Variants in SRBD1 observed in about 807,000 individuals in gnomAD.
The protein encoded by SRBD1 is S1 RNA-binding domain-containing protein 1.
Under a neutral mutation model 115.3 loss-of-function variants are expected in SRBD1, and 88 were observed. That is an observed-to-expected ratio of 0.76 (90% CI 0.64 to 0.91). The LOEUF (loss-of-function observed/expected upper bound fraction) is 0.91. SRBD1 is among the 40% of genes least tolerant of loss of function. SRBD1 has a pLI of 0.00. For synonymous variants in SRBD1, 509 were observed against 407.7 expected (o/e 1.25, Z -2.99); for missense variants, 1,385 against 1,177.4 (o/e 1.18, Z -2.58).
chr2:45,391,579 G>C (rs1330820265), intron 20 of SRBD1, among the ~76,000 whole-genome samples: 1 of 152,154 alleles, frequency 6.6e-6, no homozygotes, highest in African/African-American at 2.4e-5. Flanking sequence ...TTTGAAAATT[G>C]TGACTTACAT....
chr2:45,503,879 A>G (rs3770276), intron 14 of SRBD1, among the ~76,000 whole-genome samples: 124,056 of 152,024 alleles, frequency 0.82, 51,347 homozygotes, highest in African/African-American at 0.93. Flanking sequence ...TATATTCTGT[A>G]ATTCTATGGA....
intron 3 of SRBD1, among the ~76,000 whole-genome samples, chr2:45,601,398 T>A (rs1046546983): frequency 1.3e-5 from 2 of 152,250 alleles, no homozygotes; most frequent in Non-Finnish European, 2.9e-5. Context: ...GTTGTATTTA[T>A]CTCTCTTGTG....
chr2:45,441,038 C>G (rs1340367358), intron 16 of SRBD1, among the ~76,000 whole-genome samples: 1 of 152,152 alleles, frequency 6.6e-6, no homozygotes, highest in Non-Finnish European at 1.5e-5. Flanking sequence ...TTTCTCTTCC[C>G]AAATACACAT....
chr2:45,501,075 G>C (rs138170826), intron 14 of SRBD1, among the ~76,000 whole-genome samples: 33 of 152,204 alleles, frequency 2.2e-4, no homozygotes, highest in African/African-American at 7.5e-4. Flanking sequence ...AATTTGTTGA[G>C]AGTTTTCATC....
intron 16 of SRBD1, among the ~76,000 whole-genome samples, chr2:45,449,951 C>T (rs1011496946): frequency 2.6e-4 from 40 of 152,110 alleles, no homozygotes; most frequent in African/African-American, 9.4e-4. Flanking sequence ...ATGTCACAGC[C>T]CTCTCTCTTA....
chr2:45,530,777 T>C (rs1431589926), intron 14 of SRBD1, among the ~76,000 whole-genome samples: 1 of 151,954 alleles, frequency 6.6e-6, no homozygotes, highest in Non-Finnish European at 1.5e-5. Context: ...CTGAACCATA[T>C]ATGGTATATG....
chr2:45,488,887 G>A (rs1352345704), intron 14 of SRBD1, among the ~76,000 whole-genome samples: 2 of 152,026 alleles, frequency 1.3e-5, no homozygotes, highest in Non-Finnish European at 2.9e-5. Context: ...CAGACAGGAT[G>A]TCATCCGACT....
At chr2:45,452,408 T>C (rs150123216) in intron 16 of SRBD1, among the ~76,000 whole-genome samples, 178 of 152,080 alleles carry the variant, frequency 1.2e-3, no homozygotes, top group African/African-American at 4.1e-3. Flanking sequence ...CAAGTAAGCA[T>C]CTAATAATAT....
At chr2:45,423,066 A>C (rs1668053106) in intron 16 of SRBD1, among the ~76,000 whole-genome samples, 1 of 152,206 alleles carries the variant, frequency 6.6e-6, no homozygotes. Context: ...TACGACTTTA[A>C]AATAAGCTTG....
At chr2:45,488,417 G>C in intron 14 of SRBD1, 86 bp from the exon 15 acceptor site, 1 of 835,054 alleles carries the variant, frequency 1.2e-6, no homozygotes, top group South Asian at 1.9e-5. Flanking sequence ...GGCATTACCA[G>C]AAAAAAAAAA....
chr2:45,605,555 T>C, intron 1 of SRBD1, 114 bp from the exon 2 acceptor site: 1 of 976,884 alleles, frequency 1.0e-6, no homozygotes, highest in Non-Finnish European at 1.6e-6. Context: ...ACAAAAACAA[T>C]GATGTTTATT....
rs550037738 is a variant in SRBD1, at chr2:45,399,064, C to T, written c.2514-5935G>A. ...GAAAAATAACAAACCATTACCCTCC[C>T]AAAAGAGAACCAGAAAAAAAAAAAT... On this transcript the variant is annotated intron_variant, in intron 19 of 20. Coordinates refer to ENST00000263736, the MANE Select transcript of SRBD1 (RefSeq NM_018079.5). Among the ~76,000 whole-genome samples, 40 of 151,896 alleles carry T rather than the reference C, an allele frequency of 2.6e-4. 1 individual carries two copies. In the South Asian group the frequency reaches 8.3e-3, roughly 32 times the overall value.
intron 16 of SRBD1, among the ~76,000 whole-genome samples, chr2:45,467,410 C>T (rs890611269): frequency 2.6e-5 from 4 of 152,090 alleles, no homozygotes; most frequent in African/African-American, 9.7e-5. Context: ...AAATAGTATA[C>T]GATAAATGCT....
intron 1 of SRBD1, among the ~76,000 whole-genome samples, chr2:45,610,771 C>G (rs1223330971): frequency 6.6e-6 from 1 of 152,130 alleles, no homozygotes; most frequent in African/African-American, 2.4e-5. Context: ...AAAAACAATC[C>G]AGGTAAATTA....
At chr2:45,453,986 A>C (rs1330138456) in intron 16 of SRBD1, among the ~76,000 whole-genome samples, 1 of 151,966 alleles carries the variant, frequency 6.6e-6, no homozygotes, top group East Asian at 1.9e-4. Flanking sequence ...AAATTATTCC[A>C]ACATTCTTAT....
In SRBD1 at chr2:45,413,181, C is replaced by A; in HGVS notation, c.2446G>T (p.Val816Phe). The change falls in exon 19 of 21, where the codon GTT becomes TTT. Residue 816 changes from valine to phenylalanine, a missense_variant. Transcript: ENST00000263736. ...GKKKSKTAVNVLLKPNPLDQT... is the reference protein window; with the variant it reads ...GKKKSKTAVNFLLKPNPLDQT... Reference sequence around the variant, plus strand: ...TCCAAAGGATTTGGCTTCAGTAAAACATTCACTGCAGTTTTGCTCTTCTTT... The same window carrying A: ...TCCAAAGGATTTGGCTTCAGTAAAAAATTCACTGCAGTTTTGCTCTTCTTT... The A allele has an allele frequency of 6.2e-7, 1 of 1,614,086 alleles. No individual in the cohort carries two copies. The highest frequency in any genetic ancestry group is 8.5e-7 in the Non-Finnish European group (1 of 1,179,980).
chr2:45,466,532 T>G (rs1275390057), intron 16 of SRBD1, among the ~76,000 whole-genome samples: 1 of 152,240 alleles, frequency 6.6e-6, no homozygotes, highest in African/African-American at 2.4e-5. Context: ...AGTCCTGGAT[T>G]TAATTCTTTC....
At chr2:45,596,759 T>A (rs1278804709) in intron 4 of SRBD1, among the ~76,000 whole-genome samples, 2 of 152,198 alleles carry the variant, frequency 1.3e-5, no homozygotes, top group African/African-American at 4.8e-5. Flanking sequence ...ATTAAAGATC[T>A]GTAAACCAAC....
At chr2:45,413,647 G>A (rs921333750) in intron 18 of SRBD1, among the ~76,000 whole-genome samples, 3 of 151,964 alleles carry the variant, frequency 2.0e-5, no homozygotes, top group Admixed American at 2.0e-4. Context: ...CTCATACTTG[G>A]CTTCGCGCAG....
Sources: gnomAD v4.1 joint callset for allele counts (sites outside exome capture counted in the v4.1 genomes callset) on GRCh38, gnomAD v4.1.1 for gene constraint, MANE v1.5 for transcripts, NCBI Gene and HGNC (gene_info 2026-07-23, HGNC 2026-07-21) for gene names.